OTUD1: variants seen among roughly 807,000 people sequenced by gnomAD.
OTUD1 encodes OTU deubiquitinase 1.
In OTUD1, 15 loss-of-function variants were observed where a neutral mutation model predicts 30.0. That is an observed-to-expected ratio of 0.50 (90% confidence interval 0.33 to 0.77). OTUD1 has a LOEUF of 0.77. Ranked by LOEUF, OTUD1 falls within the 30% of genes least tolerant of loss-of-function variation. OTUD1 has a pLI of 0.02. For synonymous variants in OTUD1, 381 were observed against 326.3 expected (o/e 1.17, Z -1.81); for missense variants, 796 against 697.8 (o/e 1.14, Z -1.59).
chr10:23,441,846 T>A lies in OTUD1; in HGVS notation c.*943T>A, dbSNP rs1847132316. On this transcript the variant is annotated 3_prime_UTR_variant, in exon 1 of 1. Coordinates refer to ENST00000376495, the MANE Select transcript of OTUD1 (RefSeq NM_001145373.3). ...GAGATTTATAAACTAATGGCATAAA[T>A]GTCTGGAGCCAACCTTGGCAGTTAT... 6.0e-6 allele frequency: 1 copy of A among 167,102 alleles called. No homozygotes were observed. The allele number at this position is 167,102 out of a possible 1,614,324, so 10.4% of individuals were successfully genotyped here.
Position 23,439,094 on chromosome 10 carries a change from C to A in OTUD1, c.-364C>A, listed in dbSNP as rs1414073381. ...CCGGGCCTCCGCGCGCACCGCGCTC[C>A]TCCTCGCCGGCGGGACGCGCTCCAA... On this transcript the variant is annotated 5_prime_UTR_variant, in exon 1 of 1. Transcript: ENST00000376495. Among the ~76,000 whole-genome samples the A allele has an allele frequency of 6.6e-6, 1 of 150,610 alleles. No individual in the cohort carries two copies. Among genetic ancestry groups the A allele is most frequent in the Non-Finnish European group, 1.5e-5 (1 of 67,426 alleles).
Position 23,439,230 on chromosome 10 carries a change from C to G in OTUD1, c.-228C>G, listed in dbSNP as rs1354412252. 1.3e-5 allele frequency among the ~76,000 whole-genome samples: 2 copies of G among 151,472 alleles called. No individual in the cohort carries two copies. The highest frequency in any genetic ancestry group is 4.8e-5 in the African/African-American group (2 of 41,438). On this transcript the variant is annotated 5_prime_UTR_variant, in exon 1 of 1. Transcript: ENST00000376495. Reference sequence around the variant, plus strand: ...GCCGAGCGCACCGGCAGGGGTCGAGCTCGCGTCCCGTCCCCGCCCCCCTGC... The same window carrying G: ...GCCGAGCGCACCGGCAGGGGTCGAGGTCGCGTCCCGTCCCCGCCCCCCTGC...
Position 23,440,390 on chromosome 10 carries a change from A to G in OTUD1, c.933A>G (p.Arg311=). 2 of 1,551,608 alleles carry G rather than the reference A, an allele frequency of 1.3e-6. No individual in the cohort carries two copies. Among genetic ancestry groups the G allele is most frequent in the Non-Finnish European group, 1.7e-6 (2 of 1,147,000 alleles). The change falls in exon 1 of 1, where the codon CGA becomes CGG. Residue 311 remains arginine (R), a synonymous_variant. Transcript: ENST00000376495. The part of the protein sequence containing the change: ...DKYLRQRNKY[R]FHIIPDGNCL... ...ATCTGCGGCAGAGGAATAAGTACCG[A>G]TTCCACATCATTCCAGACGGCAACT...
chr10:23,440,336 C>T lies in OTUD1; in HGVS notation c.879C>T (p.Tyr293=), dbSNP rs878913360. The T allele has an allele frequency of 1.1e-5, 17 of 1,551,232 alleles. No individual in the cohort carries two copies. The highest frequency in any genetic ancestry group is 5.5e-5 in the African/African-American group (4 of 73,068). The stretch of plus-strand genomic sequence containing the variant: ...CCAGAGACGAGAAGCTGGCCCTATA[C>T]CTGGCCGAGGTGGAGAAGCAGGACA... The part of the protein sequence containing the change: ...SDPRDEKLAL[Y]LAEVEKQDKY... Residue 293 remains tyrosine (Y), a synonymous_variant, in exon 1 of 1, where the codon TAC becomes TAT. Transcript: ENST00000376495.
At position 23,439,706 on chromosome 10, in the gene OTUD1, CG is replaced by C. The variant is rs1301828873; in HGVS notation, c.253del (p.Ala85ProfsTer111). 8.3e-7 allele frequency: 1 copy of C among 1,201,448 alleles called. No homozygotes were observed. The highest frequency in any genetic ancestry group is 1.0e-6 in the Non-Finnish European group (1 of 969,822). The allele number at this position is 1,201,448 out of a possible 1,614,324, so 74.4% of individuals were successfully genotyped here. The stretch of plus-strand genomic sequence containing the variant: ...TCTCCTCCTGCTTCGAGGTGGTGTC[CG>C]GGGCCGCCGCGCCCGCCTCCGCCGC... The part of the protein sequence containing the change: ...AFSSCFEVVS[G>X]AAAPASAAAG... On this transcript the variant is annotated frameshift_variant, in exon 1 of 1. Coordinates refer to ENST00000376495, the MANE Select transcript of OTUD1 (RefSeq NM_001145373.3). LOFTEE classifies it high-confidence loss of function.
rs758172307 is a variant in OTUD1, at chr10:23,440,328, G to A, written c.871G>A (p.Ala291Thr). Residue 291 changes from alanine (A) to threonine (T), a missense_variant, in exon 1 of 1, where the codon GCC becomes ACC. Physicochemically the swap from Ala to Thr is moderately conservative, Grantham distance 58 (BLOSUM62 0). Coordinates refer to ENST00000376495, the MANE Select transcript of OTUD1 (RefSeq NM_001145373.3). ...GTCGGATCCCAGAGACGAGAAGCTGGCCCTATACCTGGCCGAGGTGGAGAA... is the reference window on the plus strand; with the variant it reads ...GTCGGATCCCAGAGACGAGAAGCTGACCCTATACCTGGCCGAGGTGGAGAA... ...SRSDPRDEKL[A>T]LYLAEVEKQD... The A allele has an allele frequency of 1.9e-6, 3 of 1,551,298 alleles. 1 individual carries two copies. In the South Asian group the frequency reaches 3.6e-5, roughly 18 times the overall value.
chr10:23,439,514 G>A lies in OTUD1; in HGVS notation c.57G>A (p.Thr19=). ...THYPAGAPGP[T]AAAPAPPAAA... ...ACCCCGCCGGGGCCCCGGGTCCCAC[G>A]GCCGCCGCCCCCGCGCCACCCGCCG... is the stretch of plus-strand genomic sequence containing the variant. Residue 19 remains threonine (T), a synonymous_variant, in exon 1 of 1, where the codon ACG becomes ACA. Transcript: ENST00000376495. The A allele has an allele frequency of 1.5e-6, 2 of 1,369,522 alleles. No homozygotes were observed. The highest frequency in any genetic ancestry group is 1.9e-6 in the Non-Finnish European group (2 of 1,061,006). 84.8% of individuals were successfully genotyped at this position (1,369,522 alleles called of 1,614,324 possible). A position where few individuals can be genotyped will look rare whatever the true frequency, so the allele number is the denominator to read the frequency against.
chr10:23,439,838 C>T lies in OTUD1; in HGVS notation c.381C>T (p.His127=), dbSNP rs1255038857. 8 of 1,121,802 alleles carry T rather than the reference C, an allele frequency of 7.1e-6. No individual in the cohort carries two copies. In the East Asian group the frequency reaches 2.3e-4, roughly 32 times the overall value. The allele number at this position is 1,121,802 out of a possible 1,614,324, so 69.5% of individuals were successfully genotyped here. ...RALGADRLLL[H]GPDPVPGAAG... is the part of the protein sequence containing the mutation. ...TGGGCGCCGACAGGCTCCTGCTGCACGGGCCCGATCCCGTTCCCGGCGCCG... is the reference window on the plus strand; with the variant it reads ...TGGGCGCCGACAGGCTCCTGCTGCATGGGCCCGATCCCGTTCCCGGCGCCG... Residue 127 remains histidine, a synonymous_variant, in exon 1 of 1, where the codon CAC becomes CAT. Transcript: ENST00000376495.
At position 23,439,261 on chromosome 10, in the gene OTUD1, G is replaced by A. The variant is rs1847098471; in HGVS notation, c.-197G>A. Among the ~76,000 whole-genome samples the A allele has an allele frequency of 1.3e-5, 2 of 151,510 alleles. No homozygotes were observed. Among genetic ancestry groups the A allele is most frequent in the Non-Finnish European group, 2.9e-5 (2 of 67,818 alleles). On this transcript the variant is annotated 5_prime_UTR_variant, in exon 1 of 1. Coordinates refer to ENST00000376495, the MANE Select transcript of OTUD1 (RefSeq NM_001145373.3). ...TCCCGTCCCCGCCCCCCTGCGCTGT[G>A]GCGCAGCAGGAATTTGGCCGGGACC...
In OTUD1 at chr10:23,442,204, T is replaced by A. The variant is rs1847137282; in HGVS notation, c.*1301T>A. The A allele has an allele frequency of 6.0e-6, 1 of 167,132 alleles. No individual in the cohort carries two copies. The highest frequency in any genetic ancestry group is 1.5e-5 in the Non-Finnish European group (1 of 68,136). The allele number at this position is 167,132 out of a possible 1,614,324, so 10.4% of individuals were successfully genotyped here. Reference sequence around the variant, plus strand: ...ATGCCTTTTTGGATAGAGTGGTTTTTAAATTGTGATGTTTGTAGGAAACTT... The same window carrying A: ...ATGCCTTTTTGGATAGAGTGGTTTTAAAATTGTGATGTTTGTAGGAAACTT... On this transcript the variant is annotated 3_prime_UTR_variant, in exon 1 of 1. Coordinates refer to ENST00000376495, the MANE Select transcript of OTUD1 (RefSeq NM_001145373.3).
rs1847139772 is a variant in OTUD1 at position 23,442,377 on chromosome 10, A to G, written c.*1474A>G. 6.0e-6 allele frequency: 1 copy of G among 167,138 alleles called. No individual in the cohort carries two copies. The highest frequency in any genetic ancestry group is 2.4e-5 in the African/African-American group (1 of 41,474). 10.4% of individuals were successfully genotyped at this position (167,138 alleles called of 1,614,324 possible). On this transcript the variant is annotated 3_prime_UTR_variant, in exon 1 of 1. Transcript: ENST00000376495. The stretch of plus-strand genomic sequence containing the variant: ...TGAATAAAATATAATTTAAAAGTGG[A>G]GTAATCCAAGAAATTGCTCTCATTA...
In OTUD1 at chr10:23,442,005, A is replaced by C. The variant is rs1056513439; in HGVS notation, c.*1102A>C. 1.2e-5 allele frequency: 2 copies of C among 167,042 alleles called. No individual in the cohort carries two copies. Among genetic ancestry groups the C allele is most frequent in the African/African-American group, 2.4e-5 (1 of 41,474 alleles). The allele number at this position is 167,042 out of a possible 1,614,324, so 10.3% of individuals were successfully genotyped here. A position where few individuals can be genotyped will look rare whatever the true frequency, so the allele number is the denominator to read the frequency against. ...GGGTCAAACAATGTTTCCAACTTAA[A>C]ATCAATCTCATTGCCACTTTAACTA... On this transcript the variant is annotated 3_prime_UTR_variant, in exon 1 of 1. Coordinates refer to ENST00000376495, the MANE Select transcript of OTUD1 (RefSeq NM_001145373.3).
chr10:23,441,121 A>AT lies in OTUD1; in HGVS notation c.*221dup. The AT allele has an allele frequency of 3.5e-6, 2 of 574,802 alleles. No homozygotes were observed. The highest frequency in any genetic ancestry group is 6.2e-6 in the Non-Finnish European group (2 of 321,504). The allele number at this position is 574,802 out of a possible 1,614,324, so 35.6% of individuals were successfully genotyped here. On this transcript the variant is annotated 3_prime_UTR_variant, in exon 1 of 1. Coordinates refer to ENST00000376495, the MANE Select transcript of OTUD1 (RefSeq NM_001145373.3). Reference sequence around the variant, plus strand: ...GATAGCTTTGGGTGATTTTACTGCTATTTATAATTTGCTGTATAAAGTGAG... The same window carrying AT: ...GATAGCTTTGGGTGATTTTACTGCTATTTTATAATTTGCTGTATAAAGTGAG...
chr10:23,440,050 A>C lies in OTUD1; in HGVS notation c.593A>C (p.His198Pro). 1 of 1,451,484 alleles carries C rather than the reference A, an allele frequency of 6.9e-7. No individual in the cohort carries two copies. The highest frequency in any genetic ancestry group is 9.0e-7 in the Non-Finnish European group (1 of 1,108,258). The allele number at this position is 1,451,484 out of a possible 1,614,324, so 89.9% of individuals were successfully genotyped here. ...GPDRNFRLSE[H>P]RQALAAAKHR... is the part of the protein sequence containing the mutation. The stretch of plus-strand genomic sequence containing the variant: ...GATCGGAACTTCCGACTGAGCGAGC[A>C]CCGCCAGGCCCTGGCCGCCGCCAAG... The change falls in exon 1 of 1, where the codon CAC becomes CCC. Residue 198 changes from histidine to proline, a missense_variant. His to Pro is a moderately conservative substitution (Grantham distance 77, BLOSUM62 -2). Coordinates refer to ENST00000376495, the MANE Select transcript of OTUD1 (RefSeq NM_001145373.3).
chr10:23,440,194 C>T lies in OTUD1; in HGVS notation c.737C>T (p.Ala246Val). 1 of 1,469,390 alleles carries T rather than the reference C, an allele frequency of 6.8e-7. No individual in the cohort carries two copies. Among genetic ancestry groups the T allele is most frequent in the South Asian group, 1.4e-5 (1 of 71,670 alleles). The allele number at this position is 1,469,390 out of a possible 1,614,324, so 91.0% of individuals were successfully genotyped here. The part of the protein sequence containing the change: ...GWERGGDRCD[A>V]PGGDAARRPD... Reference sequence around the variant, plus strand: ...GAGAGGGGCGGCGATCGCTGCGACGCGCCCGGTGGGGACGCGGCGCGGAGG... The same window carrying T: ...GAGAGGGGCGGCGATCGCTGCGACGTGCCCGGTGGGGACGCGGCGCGGAGG... Residue 246 changes from alanine to valine, a missense_variant, in exon 1 of 1, where the codon GCG (alanine) becomes GTG (valine). By Grantham distance (64) the Ala-to-Val change is moderately conservative (BLOSUM62 0). Coordinates refer to ENST00000376495, the MANE Select transcript of OTUD1 (RefSeq NM_001145373.3).
Position 23,440,132 on chromosome 10 carries a change from C to G in OTUD1, c.675C>G (p.Gly225=), listed in dbSNP as rs1437515989. 41 of 1,429,228 alleles carry G rather than the reference C, an allele frequency of 2.9e-5. No homozygotes were observed. Among genetic ancestry groups the G allele is most frequent in the Non-Finnish European group, 3.3e-5 (36 of 1,100,066 alleles). 88.5% of individuals were successfully genotyped at this position (1,429,228 alleles called of 1,614,324 possible). A position where few individuals can be genotyped will look rare whatever the true frequency, so the allele number is the denominator to read the frequency against. ...GSPDPGPGPW[G]EEHLAERGPR... ...CCGATCCCGGCCCCGGTCCGTGGGG[C>G]GAAGAGCACTTGGCGGAGAGGGGCC... is the stretch of plus-strand genomic sequence containing the variant. The change falls in exon 1 of 1, where the codon GGC becomes GGG. Residue 225 remains glycine (G), a synonymous_variant. Coordinates refer to ENST00000376495, the MANE Select transcript of OTUD1 (RefSeq NM_001145373.3).
Position 23,441,956 on chromosome 10 carries a change from T to C in OTUD1, c.*1053T>C, listed in dbSNP as rs562453276. 6.0e-6 allele frequency: 1 copy of C among 167,170 alleles called. No individual in the cohort carries two copies. Among genetic ancestry groups the C allele is most frequent in the African/African-American group, 2.4e-5 (1 of 41,548 alleles). The allele number at this position is 167,170 out of a possible 1,614,324, so 10.4% of individuals were successfully genotyped here. ...CCCTGTATTGATGTAGAAATGTCTG[T>C]AAACAGAGCTTGTATGGTTTGCTGG... On this transcript the variant is annotated 3_prime_UTR_variant, in exon 1 of 1. Coordinates refer to ENST00000376495, the MANE Select transcript of OTUD1 (RefSeq NM_001145373.3).
In OTUD1 at chr10:23,441,550, G is replaced by A. The variant is rs1015838274; in HGVS notation, c.*647G>A. Reference sequence around the variant, plus strand: ...GAAAATTACTTAATGGAAGGTTGTGGGAAGGTGTTTTTTTGTGTTTTTTTT... The same window carrying A: ...GAAAATTACTTAATGGAAGGTTGTGAGAAGGTGTTTTTTTGTGTTTTTTTT... On this transcript the variant is annotated 3_prime_UTR_variant, in exon 1 of 1. Coordinates refer to ENST00000376495, the MANE Select transcript of OTUD1 (RefSeq NM_001145373.3). 2 of 166,306 alleles carry A rather than the reference G, an allele frequency of 1.2e-5. No homozygotes were observed. The highest frequency in any genetic ancestry group is 4.9e-5 in the African/African-American group (2 of 41,076). The allele number at this position is 166,306 out of a possible 1,614,324, so 10.3% of individuals were successfully genotyped here. A position where few individuals can be genotyped will look rare whatever the true frequency, so the allele number is the denominator to read the frequency against.
chr10:23,439,756 G>A lies in OTUD1; in HGVS notation c.299G>A (p.Cys100Tyr). ...SAAAGPPGASCKPPLPPHYTS... is the reference protein window; with the variant it reads ...SAAAGPPGASYKPPLPPHYTS... ...GCCGCCGGCCCGCCCGGCGCGTCCT[G>A]CAAGCCGCCGCTGCCGCCGCACTAC... Residue 100 changes from cysteine (C) to tyrosine (Y), a missense_variant, in exon 1 of 1, where the codon TGC (cysteine) becomes TAC (tyrosine). Physicochemically the swap from Cys to Tyr is radical, Grantham distance 194 (BLOSUM62 -2). Coordinates refer to ENST00000376495, the MANE Select transcript of OTUD1 (RefSeq NM_001145373.3). The A allele has an allele frequency of 8.6e-7, 1 of 1,158,888 alleles. No homozygotes were observed. The highest frequency in any genetic ancestry group is 1.1e-6 in the Non-Finnish European group (1 of 944,544). The allele number at this position is 1,158,888 out of a possible 1,614,324, so 71.8% of individuals were successfully genotyped here.
Sources: gnomAD v4.1 joint callset for allele counts (sites outside exome capture counted in the v4.1 genomes callset) on GRCh38, gnomAD v4.1.1 for gene constraint, MANE v1.5 for transcripts, NCBI Gene and HGNC (gene_info 2026-07-23, HGNC 2026-07-21) for gene names.